The following ZKSCAN2 variants were observed in gnomAD, a reference collection of about 807,000 sequenced individuals.
ZKSCAN2 encodes zinc finger with KRAB and SCAN domains 2.
Under a neutral mutation model 90.5 loss-of-function variants are expected in ZKSCAN2, and 38 were observed. The ratio of observed to expected loss-of-function variants is 0.42; its 90% CI spans 0.32 to 0.55. ZKSCAN2 has a LOEUF of 0.55. ZKSCAN2 is among the 20% of genes least tolerant of loss of function. The pLI, the probability that ZKSCAN2 is intolerant of heterozygous loss-of-function variation, is 0.11. For synonymous variants in ZKSCAN2, 429 were observed against 421.6 expected (o/e 1.02, Z -0.22); for missense variants, 1,167 against 1,202.6 (o/e 0.97, Z 0.44).
In ZKSCAN2 at chr16:25,237,428, G is replaced by C. The variant is rs1962786403; in HGVS notation, c.*2388C>G. The C allele has an allele frequency of 6.6e-6, 1 of 152,176 alleles. No homozygotes were observed. Among genetic ancestry groups the C allele is most frequent in the South Asian group, 2.1e-4 (1 of 4,822 alleles). 9.4% of individuals were successfully genotyped at this position (152,176 alleles called of 1,614,324 possible). ...CTCCCAGGCATATGAGAGTTAAACA[G>C]AATCAGTTTGTCCCACTAGAGAGGG... On this transcript the variant is annotated 3_prime_UTR_variant, in exon 7 of 7. Transcript: ENST00000328086.
chr16:25,249,140 G>A (rs1216848156), intron 4 of ZKSCAN2, among the ~76,000 whole-genome samples: 1 of 152,074 alleles, frequency 6.6e-6, no homozygotes, highest in African/African-American at 2.4e-5. Flanking sequence ...GGGAGGAGGA[G>A]GGAAGATGGG....
In ZKSCAN2 at chr16:25,255,246, C is replaced by G. The variant is rs1963080623; in HGVS notation, c.546G>C (p.Gln182His). ...GCCGACGTTCTCGCTTTCGGTTCAG[C>G]TGTTCCTGGTGTCCTGAGTGGAGGC... ...PGSLHSGHQE[Q>H]LNRKRERRPL... Residue 182 changes from glutamine to histidine, a missense_variant, in exon 2 of 7, where the codon CAG becomes CAC. Physicochemically the swap from Gln to His is conservative, Grantham distance 24. Coordinates refer to ENST00000328086, the MANE Select transcript of ZKSCAN2 (RefSeq NM_001012981.5). The G allele has an allele frequency of 6.2e-7, 1 of 1,610,048 alleles. No individual in the cohort carries two copies. Among genetic ancestry groups the G allele is most frequent in the East Asian group, 2.2e-5 (1 of 44,808 alleles).
intron 1 of ZKSCAN2, among the ~76,000 whole-genome samples, chr16:25,255,908 G>C (rs906485343): frequency 6.6e-6 from 1 of 152,166 alleles, no homozygotes; most frequent in African/African-American, 2.4e-5. Context: ...ACTAAACAGA[G>C]AAGGAAATCT....
Position 25,239,777 on chromosome 16 carries a change from A to G in ZKSCAN2, c.*39T>C. ...TTGCTTCCAAGAATGAGATTAGGGT[A>G]AAATGGCTAAGGGGGCATTTAGGAA... On this transcript the variant is annotated 3_prime_UTR_variant, in exon 7 of 7. Transcript: ENST00000328086. 1 of 1,506,902 alleles carries G rather than the reference A, an allele frequency of 6.6e-7. No homozygotes were observed. Among genetic ancestry groups the G allele is most frequent in the Non-Finnish European group, 8.9e-7 (1 of 1,119,700 alleles). The allele number at this position is 1,506,902 out of a possible 1,614,324, so 93.3% of individuals were successfully genotyped here.
chr16:25,245,638 T>C (rs868477385), intron 5 of ZKSCAN2, among the ~76,000 whole-genome samples: 1 of 151,872 alleles, frequency 6.6e-6, no homozygotes, highest in Non-Finnish European at 1.5e-5. Context: ...TGGTGGTGGG[T>C]GCCTGTAATC....
At position 25,252,008 on chromosome 16, in the gene ZKSCAN2, T is replaced by C. The variant is rs1051066580; in HGVS notation, c.706A>G (p.Arg236Gly). 3.1e-6 allele frequency: 5 copies of C among 1,614,090 alleles called. No individual in the cohort carries two copies. The highest frequency in any genetic ancestry group is 4.2e-6 in the Non-Finnish European group (5 of 1,180,034). Residue 236 changes from arginine to glycine, a missense_variant, in exon 4 of 7, where the codon AGA becomes GGA. By Grantham distance (125) the Arg-to-Gly change is moderately radical (BLOSUM62 -2). Transcript: ENST00000328086. ...QEPVKDVHVA[R>G]GFSYRKSVHQ... ...ACACTCTTTCTGTAGGAAAAGCCTC[T>C]GGCCACGTGGACATCTTTCACTGGT... is the stretch of plus-strand genomic sequence containing the variant.
chr16:25,255,289 G>C lies in ZKSCAN2; in HGVS notation c.503C>G (p.Ser168Cys), dbSNP rs1210841698. The part of the protein sequence containing the change: ...EQVETQPRAV[S>C]REEPGSLHSG... ...GTGGAGGCTTCCAGGTTCCTCCCGA[G>C]ACACCGCCCTGGGTTGGGTCTCCAC... Residue 168 changes from serine (S) to cysteine (C), a missense_variant, in exon 2 of 7, where the codon TCT (serine) becomes TGT (cysteine). By Grantham distance (112) the Ser-to-Cys change is moderately radical (BLOSUM62 -1). Coordinates refer to ENST00000328086, the MANE Select transcript of ZKSCAN2 (RefSeq NM_001012981.5). 6.2e-7 allele frequency: 1 copy of C among 1,613,700 alleles called. No individual in the cohort carries two copies. Among genetic ancestry groups the C allele is most frequent in the South Asian group, 1.1e-5 (1 of 91,030 alleles).
chr16:25,256,433 A>T (rs1567355243), intron 1 of ZKSCAN2, among the ~76,000 whole-genome samples: 1 of 150,626 alleles, frequency 6.6e-6, no homozygotes, highest in Non-Finnish European at 1.5e-5. Flanking sequence ...TTGTTCTCTT[A>T]TATTGTTTTG....
intron 4 of ZKSCAN2, among the ~76,000 whole-genome samples, chr16:25,248,420 CA>C (rs1186052068): frequency 2.0e-5 from 3 of 150,424 alleles, no homozygotes; most frequent in African/African-American, 7.3e-5. Flanking sequence ...CTAAAATATA[CA>C]AGGAACTCCT....
chr16:25,251,016 A>G (rs893226279), intron 4 of ZKSCAN2, among the ~76,000 whole-genome samples: 27 of 152,278 alleles, frequency 1.8e-4, no homozygotes, highest in African/African-American at 6.3e-4. Context: ...TTGACTTCCC[A>G]AAGTGCTGGG....
intron 4 of ZKSCAN2, among the ~76,000 whole-genome samples, chr16:25,248,441 T>C (rs915808650): frequency 1.3e-5 from 2 of 151,974 alleles, no homozygotes; most frequent in African/African-American, 2.4e-5. Context: ...TACAATTCAA[T>C]AGCAAAATAA....
intron 5 of ZKSCAN2, 138 bp downstream of exon 5, chr16:25,246,569 G>A (rs1165374541): frequency 1.2e-6 from 1 of 843,876 alleles, no homozygotes; most frequent in African/African-American, 1.7e-5. Flanking sequence ...GAGTACTTCA[G>A]TGATGTGGCC....
At chr16:25,244,356 A>G in intron 5 of ZKSCAN2, 80 bp from the exon 6 acceptor site, 3 of 1,474,394 alleles carry the variant, frequency 2.0e-6, no homozygotes, top group Non-Finnish European at 2.7e-6. Flanking sequence ...TAAGAAATGT[A>G]GAGGTAAAAA....
chr16:25,250,075 C>A (rs1962998353), intron 4 of ZKSCAN2, among the ~76,000 whole-genome samples: 1 of 152,124 alleles, frequency 6.6e-6, no homozygotes, highest in Non-Finnish European at 1.5e-5. Context: ...CTTTGGGAGG[C>A]CAAGGTAGGT....
intron 4 of ZKSCAN2, among the ~76,000 whole-genome samples, chr16:25,251,570 T>A (rs1351097863): frequency 1.3e-5 from 2 of 152,202 alleles, no homozygotes; most frequent in African/African-American, 4.8e-5. Flanking sequence ...CCTAGCTACA[T>A]TGCTTACTTT....
chr16:25,257,828 G>T lies in ZKSCAN2; in HGVS notation c.-701C>A, dbSNP rs1963136867. 1 of 151,964 alleles carries T rather than the reference G, an allele frequency of 6.6e-6. No homozygotes were observed. Among genetic ancestry groups the T allele is most frequent in the African/African-American group, 2.4e-5 (1 of 41,394 alleles). The allele number at this position is 151,964 out of a possible 1,614,324, so 9.4% of individuals were successfully genotyped here. On this transcript the variant is annotated 5_prime_UTR_variant, in exon 1 of 7. Coordinates refer to ENST00000328086, the MANE Select transcript of ZKSCAN2 (RefSeq NM_001012981.5). ...TTCGGCCTCGTCCACTCGGCCCGCG[G>T]AGAGCGCGGGGGGCGCTGGGAACCG...
chr16:25,256,285 C>T (rs1963100376), intron 1 of ZKSCAN2, among the ~76,000 whole-genome samples: 1 of 150,884 alleles, frequency 6.6e-6, no homozygotes, highest in Non-Finnish European at 1.5e-5. Flanking sequence ...CTTCAGAAGA[C>T]ACTGAGTGCA....
In ZKSCAN2 at chr16:25,237,741, A is replaced by G. The variant is rs1962791867; in HGVS notation, c.*2075T>C. 1 of 152,204 alleles carries G rather than the reference A, an allele frequency of 6.6e-6. No homozygotes were observed. The highest frequency in any genetic ancestry group is 2.1e-4 in the South Asian group (1 of 4,832). 9.4% of individuals were successfully genotyped at this position (152,204 alleles called of 1,614,324 possible). A position where few individuals can be genotyped will look rare whatever the true frequency, so the allele number is the denominator to read the frequency against. ...GGCCTTACATGTAACAGTGCTTCAT[A>G]TTTATGAATAAGTCATCTACTTTCC... On this transcript the variant is annotated 3_prime_UTR_variant, in exon 7 of 7. Transcript: ENST00000328086.
At position 25,240,145 on chromosome 16, in the gene ZKSCAN2, A is replaced by G; in HGVS notation, c.2575T>C (p.Tyr859His). ...CTTTTCCCACACTCTCCACACTGAT[A>G]GGGCTTCTCACCGGTGTGCGTTCTC... ...HQRTHTGEKP[Y>H]QCGECGKSFT... The change falls in exon 7 of 7, where the codon TAT (tyrosine) becomes CAT (histidine). Residue 859 changes from tyrosine (Y) to histidine (H), a missense_variant. By Grantham distance (83) the Tyr-to-His change is moderately conservative. Coordinates refer to ENST00000328086, the MANE Select transcript of ZKSCAN2 (RefSeq NM_001012981.5). 1 of 1,614,056 alleles carries G rather than the reference A, an allele frequency of 6.2e-7. No homozygotes were observed. The highest frequency in any genetic ancestry group is 2.2e-5 in the East Asian group (1 of 44,880).
Sources: gnomAD v4.1 joint callset for allele counts (sites outside exome capture counted in the v4.1 genomes callset) on GRCh38, gnomAD v4.1.1 for gene constraint, MANE v1.5 for transcripts, NCBI Gene and HGNC (gene_info 2026-07-23, HGNC 2026-07-21) for gene names.